SLC1A2: variants seen among roughly 807,000 people sequenced by gnomAD.
The protein encoded by SLC1A2 is excitatory amino acid transporter 2.
In SLC1A2, 15 loss-of-function variants were observed where a neutral mutation model predicts 48.8. The ratio of observed to expected loss-of-function variants is 0.31; its 90% CI spans 0.21 to 0.47. The LOEUF (loss-of-function observed/expected upper bound fraction) is 0.47, where lower values mean the gene tolerates loss of function less well. Ranked by LOEUF, SLC1A2 falls within the 20% of genes least tolerant of loss-of-function variation. The probability of loss-of-function intolerance (pLI) is 0.99; values close to 1 mark genes in which losing one functional copy is unlikely to be tolerated. For missense variants in SLC1A2, 502 were observed against 730.5 expected (o/e 0.69, Z 3.61); for synonymous variants, 279 against 272.6 (o/e 1.02, Z -0.23).
At chr11:35,299,233 G>A (rs1216892209) in intron 6 of SLC1A2, 1 of 152,212 alleles carries the variant, frequency 6.6e-6, no homozygotes, top group Non-Finnish European at 1.5e-5. Context: ...CAGCTACTTG[G>A]AAGGCTGAGG....
intron 9 of SLC1A2, among the ~76,000 whole-genome samples, chr11:35,275,715 G>C (rs1367959397): frequency 6.6e-6 from 1 of 152,224 alleles, no homozygotes; most frequent in East Asian, 1.9e-4. Context: ...TGTAGGCTTT[G>C]TTTGGTTTTA....
intron 1 of SLC1A2, among the ~76,000 whole-genome samples, chr11:35,360,472 C>T (rs1853638993): frequency 6.6e-6 from 1 of 152,164 alleles, no homozygotes; most frequent in African/African-American, 2.4e-5. Context: ...CTAACACCAC[C>T]CTTCCAACCC....
intron 1 of SLC1A2, among the ~76,000 whole-genome samples, chr11:35,361,348 TTTTG>T (rs1385598550): frequency 2.0e-5 from 3 of 152,254 alleles, no homozygotes; most frequent in African/African-American, 4.8e-5. Flanking sequence ...CATGTTAACT[TTTTG>T]TTTGTTTTAT....
In SLC1A2 at chr11:35,312,186, A is replaced by T; in HGVS notation, c.561+12T>A. On this transcript the variant is annotated intron_variant, in intron 4 of 10. Coordinates refer to ENST00000278379, the MANE Select transcript of SLC1A2 (RefSeq NM_004171.4). ...GGACTGGAGAAGAGAGAACATCTGA[A>T]CTCTGGGTTACCTGTTGAAAGCAGG... 1 of 1,613,624 alleles carries T rather than the reference A, an allele frequency of 6.2e-7. No individual in the cohort carries two copies. The highest frequency in any genetic ancestry group is 8.5e-7 in the Non-Finnish European group (1 of 1,179,614).
chr11:35,353,591 TAGAG>T (rs1473460716), intron 1 of SLC1A2, among the ~76,000 whole-genome samples: 2 of 152,196 alleles, frequency 1.3e-5, no homozygotes, highest in African/African-American at 4.8e-5. Flanking sequence ...GAGTCTCTAA[TAGAG>T]AGCTCGAAGA....
intron 10 of SLC1A2, chr11:35,261,729 A>G (rs1358416552): frequency 7.5e-6 from 3 of 398,440 alleles, no homozygotes; most frequent in Non-Finnish European, 1.3e-5. Flanking sequence ...GATATTCCAC[A>G]TAATGGAGAG....
intron 1 of SLC1A2, among the ~76,000 whole-genome samples, chr11:35,390,256 C>T (rs952325733): frequency 4.6e-5 from 7 of 152,112 alleles, no homozygotes; most frequent in Non-Finnish European, 8.8e-5. Context: ...TCTTCTTTTT[C>T]TCATGATGTC....
At chr11:35,361,827 A>G (rs1477999531) in intron 1 of SLC1A2, among the ~76,000 whole-genome samples, 1 of 152,166 alleles carries the variant, frequency 6.6e-6, no homozygotes, top group South Asian at 2.1e-4. Flanking sequence ...AAATACAAAA[A>G]TTAACTGGGC....
chr11:35,381,023 T>A (rs1459557040), intron 1 of SLC1A2, among the ~76,000 whole-genome samples: 1 of 152,252 alleles, frequency 6.6e-6, no homozygotes, highest in Non-Finnish European at 1.5e-5. Flanking sequence ...GAGTGAAGTA[T>A]TACAGAGCTC....
At chr11:35,324,134 A>G (rs954253926) in intron 1 of SLC1A2, among the ~76,000 whole-genome samples, 4 of 152,264 alleles carry the variant, frequency 2.6e-5, no homozygotes, top group Non-Finnish European at 5.9e-5. Flanking sequence ...TCCTAAGCAC[A>G]GTGGCCCAAG....
chr11:35,354,283 G>A (rs1264844944), intron 1 of SLC1A2, among the ~76,000 whole-genome samples: 5 of 151,654 alleles, frequency 3.3e-5, no homozygotes, highest in African/African-American at 1.2e-4. Context: ...AAGACCCCGT[G>A]TCTACAAAAA....
At chr11:35,273,427 C>T (rs149999784) in intron 9 of SLC1A2, among the ~76,000 whole-genome samples, 267 of 152,242 alleles carry the variant, frequency 1.8e-3, no homozygotes, top group African/African-American at 6.0e-3. Context: ...CTTTCTCATT[C>T]GTAACATATG....
intron 1 of SLC1A2, among the ~76,000 whole-genome samples, chr11:35,403,486 A>G (rs985038071): frequency 1.3e-5 from 2 of 152,242 alleles, no homozygotes; most frequent in South Asian, 2.1e-4. Context: ...AAGCCTGCAC[A>G]TGTGTGGCTG....
intron 1 of SLC1A2, among the ~76,000 whole-genome samples, chr11:35,375,834 C>T (rs964509400): frequency 4.6e-5 from 7 of 152,198 alleles, no homozygotes; most frequent in African/African-American, 1.7e-4. Flanking sequence ...ACACTTCATA[C>T]TTCTACTTGA....
intron 1 of SLC1A2, among the ~76,000 whole-genome samples, chr11:35,389,135 G>A (rs1344310987): frequency 2.7e-5 from 4 of 147,692 alleles, no homozygotes; most frequent in African/African-American, 4.9e-5. Flanking sequence ...ACCAAAAACT[G>A]AGGGAAAAAA....
At chr11:35,308,166 G>A (rs926427341) in intron 4 of SLC1A2, among the ~76,000 whole-genome samples, 2 of 152,328 alleles carry the variant, frequency 1.3e-5, no homozygotes, top group Admixed American at 6.5e-5. Flanking sequence ...TCAGGCAGGA[G>A]GCCAGCTGCT....
chr11:35,268,801 G>T (rs1366593072), intron 9 of SLC1A2, among the ~76,000 whole-genome samples: 1 of 152,066 alleles, frequency 6.6e-6, no homozygotes, highest in East Asian at 1.9e-4. Context: ...GGAGAGATTA[G>T]TGGCTTCCCA....
rs531483006 is a variant in SLC1A2 at position 35,389,836 on chromosome 11, C to A, written c.17+29114G>T. ...CTATATTGCCCAGGCTGGTCTCAAACTCCTGGGTTCAAGTGATCCTCCCAC... is the reference window on the plus strand; with the variant it reads ...CTATATTGCCCAGGCTGGTCTCAAAATCCTGGGTTCAAGTGATCCTCCCAC... On this transcript the variant is annotated intron_variant, in intron 1 of 10. Coordinates refer to ENST00000278379, the MANE Select transcript of SLC1A2 (RefSeq NM_004171.4). 2.0e-5 allele frequency among the ~76,000 whole-genome samples: 3 copies of A among 152,188 alleles called. No homozygotes were observed. The East Asian group carries it at 5.8e-4, about 29-fold the overall frequency.
intron 7 of SLC1A2, among the ~76,000 whole-genome samples, chr11:35,289,067 CTG>C (rs1458001807): frequency 1.3e-5 from 2 of 152,184 alleles, no homozygotes. Flanking sequence ...CTAATAATAA[CTG>C]TCAGATATTT....
Sources: allele counts gnomAD v4.1 joint callset (sites outside exome capture counted in the v4.1 genomes callset), GRCh38; gene constraint gnomAD v4.1.1; transcripts MANE v1.5; gene names NCBI Gene and HGNC (gene_info 2026-07-23, HGNC 2026-07-21).